Variants in HUNK observed in about 807,000 individuals in gnomAD.
The protein encoded by HUNK is hormonally up-regulated neu tumor-associated kinase.
A neutral mutation model predicts 61.0 loss-of-function variants in HUNK; 21 were observed. That is an observed-to-expected ratio of 0.34 (90% CI 0.24 to 0.50). The LOEUF (loss-of-function observed/expected upper bound fraction) is 0.50. Among genes scored for constraint, HUNK ranks in the 20% least tolerant of loss-of-function variants. The pLI is 0.98. For synonymous variants in HUNK, 371 were observed against 386.1 expected (o/e 0.96, Z 0.46); for missense variants, 772 against 945.7 (o/e 0.82, Z 2.41).
chr21:31,982,766 TTG>T (rs71193168), intron 7 of HUNK, among the ~76,000 whole-genome samples: 51 of 150,698 alleles, frequency 3.4e-4, no homozygotes, highest in Middle Eastern at 3.4e-3. Flanking sequence ...ACATGTGTGT[TTG>T]TGTGTGTGTG....
chr21:31,964,561 G>A (rs1044057960), intron 5 of HUNK, among the ~76,000 whole-genome samples: 15 of 152,332 alleles, frequency 9.8e-5, no homozygotes, highest in African/African-American at 3.6e-4. Flanking sequence ...TCTCAGAGGG[G>A]TGGAGGGTGG....
intron 1 of HUNK, among the ~76,000 whole-genome samples, chr21:31,902,543 G>A (rs2052476137): frequency 6.6e-6 from 1 of 152,118 alleles, no homozygotes; most frequent in Admixed American, 6.5e-5. Flanking sequence ...CGTAGGGCTT[G>A]TGGGAGTTAC....
At chr21:31,994,157 G>C (rs1025061059) in intron 9 of HUNK, among the ~76,000 whole-genome samples, 1 of 152,216 alleles carries the variant, frequency 6.6e-6, no homozygotes, top group South Asian at 2.1e-4. Flanking sequence ...AAAAAGGCTG[G>C]TGGCAGCTGT....
chr21:31,878,888 A>C (rs929922271), intron 1 of HUNK, among the ~76,000 whole-genome samples: 1 of 152,346 alleles, frequency 6.6e-6, no homozygotes, highest in African/African-American at 2.4e-5. Flanking sequence ...TCTCACTGAG[A>C]TACAAAGTTG....
chr21:31,924,610 G>A lies in HUNK; in HGVS notation c.404G>A (p.Ser135Asn). 1 of 1,614,228 alleles carries A rather than the reference G, an allele frequency of 6.2e-7. No homozygotes were observed. The highest frequency in any genetic ancestry group is 8.5e-7 in the Non-Finnish European group (1 of 1,180,042). Residue 135 changes from serine (S) to asparagine (N), a missense_variant, in exon 2 of 11, where the codon AGC becomes AAC. Physicochemically the swap from Ser to Asn is conservative, Grantham distance 46. This residue lies in a region of HUNK where 359 missense variants were observed against 501.3 expected (regional missense o/e 0.72). Transcript: ENST00000270112. The surrounding 1 kb of genome is among the most constrained non-coding windows in gnomAD (Gnocchi z 5.1). ...CTTGATATTTTAGAAACGGAAAACA[G>A]CTACTACCTGGTCATGGAGCTGTGC... ...QLLDILETEN[S>N]YYLVMELCPG...
At chr21:31,957,879 G>A (rs2052900124) in intron 4 of HUNK, among the ~76,000 whole-genome samples, 1 of 152,152 alleles carries the variant, frequency 6.6e-6, no homozygotes. Context: ...ACAAGCCAAG[G>A]CAAAATTTAA....
intron 5 of HUNK, among the ~76,000 whole-genome samples, chr21:31,960,537 G>A (rs1430834630): frequency 6.6e-6 from 1 of 152,148 alleles, no homozygotes; most frequent in Non-Finnish European, 1.5e-5. Flanking sequence ...AGACATACCC[G>A]AGACTGGGTA....
In HUNK at chr21:31,906,802, T is replaced by G. The variant is rs146627009; in HGVS notation, c.262-17666T>G. 2.5e-3 allele frequency among the ~76,000 whole-genome samples: 388 copies of G among 152,214 alleles called. 9 individuals are homozygous for G. Among genetic ancestry groups the G allele is most frequent in the Admixed American group, 0.023 (353 of 15,282 alleles). On this transcript the variant is annotated intron_variant, in intron 1 of 10. Coordinates refer to ENST00000270112, the MANE Select transcript of HUNK (RefSeq NM_014586.2). ...TCCGTGGGCTCAGAGGGTGTGTGGT[T>G]TGCCCAAAGCCAGACAGCCAGAACT...
intron 6 of HUNK, among the ~76,000 whole-genome samples, chr21:31,972,578 C>T (rs1486204231): frequency 6.6e-6 from 1 of 152,202 alleles, no homozygotes; most frequent in Non-Finnish European, 1.5e-5. Flanking sequence ...ACCCCATACC[C>T]TCGGCGGGTG....
At chr21:31,969,436 C>A (rs917633264) in intron 6 of HUNK, among the ~76,000 whole-genome samples, 2 of 152,194 alleles carry the variant, frequency 1.3e-5, no homozygotes, top group Non-Finnish European at 2.9e-5. Flanking sequence ...TTATCAGTTT[C>A]CATGAGGAGG....
chr21:31,982,046 T>C (rs547784436), intron 7 of HUNK, among the ~76,000 whole-genome samples: 52 of 152,298 alleles, frequency 3.4e-4, no homozygotes, highest in African/African-American at 1.2e-3. Context: ...TTAGCTATTC[T>C]TCCTGAGGGT....
At chr21:31,985,795 G>A (rs191733636) in intron 8 of HUNK, among the ~76,000 whole-genome samples, 25 of 150,324 alleles carry the variant, frequency 1.7e-4, no homozygotes, top group African/African-American at 6.3e-4. Context: ...GCATGGATTT[G>A]GGGGGTGGGA....
intron 1 of HUNK, among the ~76,000 whole-genome samples, chr21:31,896,881 A>G (rs910283619): frequency 1.3e-5 from 2 of 152,242 alleles, no homozygotes; most frequent in African/African-American, 2.4e-5. Context: ...CAACTAAAAA[A>G]TGTTGTTGCT....
At chr21:31,938,506 C>T (rs573284474) in intron 2 of HUNK, among the ~76,000 whole-genome samples, 1 of 152,360 alleles carries the variant, frequency 6.6e-6, no homozygotes, top group African/African-American at 2.4e-5. Flanking sequence ...AAGTGGGGCA[C>T]TGCTGTCCTG....
chr21:31,973,945 T>C (rs2053030845), intron 6 of HUNK, among the ~76,000 whole-genome samples: 2 of 152,306 alleles, frequency 1.3e-5, no homozygotes, highest in South Asian at 4.1e-4. Context: ...TCTCTTCCTC[T>C]GAGAGGACCC....
At chr21:31,988,671 T>C (rs77001051) in intron 8 of HUNK, among the ~76,000 whole-genome samples, 90 of 109,798 alleles carry the variant, frequency 8.2e-4, no homozygotes, top group Non-Finnish European at 1.3e-3. Flanking sequence ...TTTTCTTTCT[T>C]TCTCTTTCTT....
At position 31,940,085 on chromosome 21, in the gene HUNK, T is replaced by A. The variant is rs572724317; in HGVS notation, c.555-80T>A. The stretch of plus-strand genomic sequence containing the variant: ...GGTTAGAAGTGGCTCTAAAAACAGT[T>A]CATTTCCCTTCAGAAGCAAAATGTA... On this transcript the variant is annotated intron_variant, in intron 2 of 10. Transcript: ENST00000270112. 183 of 1,152,148 alleles carry A rather than the reference T, an allele frequency of 1.6e-4. 4 individuals carry two copies. The South Asian group carries it at 2.5e-3, about 15-fold the overall frequency. The allele number at this position is 1,152,148 out of a possible 1,614,324, so 71.4% of individuals were successfully genotyped here.
rs766354231 is a variant in HUNK at position 31,958,918 on chromosome 21, C to T, written c.822C>T (p.Tyr274=). 1.9e-6 allele frequency: 3 copies of T among 1,610,954 alleles called. No homozygotes were observed. The highest frequency in any genetic ancestry group is 2.5e-6 in the Non-Finnish European group (3 of 1,178,896). The change falls in exon 5 of 11, where the codon TAC becomes TAT. Residue 274 remains tyrosine (Y), a synonymous_variant. Transcript: ENST00000270112. ...AGCCTTTCAGCCTGAGGGCTTTGTA[C>T]CAGAAGATGGTAGACAAAGAAATGA... ...TVEPFSLRAL[Y]QKMVDKEMNP...
intron 10 of HUNK, 92 bp from the exon 11 acceptor site, chr21:31,998,434 C>T (rs2053220904): frequency 1.6e-6 from 2 of 1,239,316 alleles, no homozygotes; most frequent in Non-Finnish European, 2.2e-6. Context: ...CGGGAACTGT[C>T]TCAGTTAAGC....
Sources: allele counts gnomAD v4.1 joint callset (sites outside exome capture counted in the v4.1 genomes callset), GRCh38; gene constraint gnomAD v4.1.1; regional missense constraint gnomAD v4.1.1; non-coding constraint Gnocchi (gnomAD v3.1); transcripts MANE v1.5; gene names NCBI Gene and HGNC (gene_info 2026-07-23, HGNC 2026-07-21).